The following LRP1B variants were observed in gnomAD, a reference collection of about 807,000 sequenced individuals.
LRP1B encodes the protein LDL receptor related protein 1B.
A neutral mutation model predicts 556.6 loss-of-function variants in LRP1B; 217 were observed. That is an observed-to-expected ratio of 0.39 (90% confidence interval 0.35 to 0.44). The LOEUF (loss-of-function observed/expected upper bound fraction) is 0.44, where lower values mean the gene tolerates loss of function less well. LRP1B is among the 20% of genes least tolerant of loss of function. The probability of loss-of-function intolerance (pLI) is 1.00; values close to 1 mark genes in which losing one functional copy is unlikely to be tolerated. For missense variants in LRP1B, 5,053 were observed against 5,620.8 expected (o/e 0.90, Z 3.23); for synonymous variants, 2,047 against 1,865.8 (o/e 1.10, Z -2.50).
intron 3 of LRP1B, among the ~76,000 whole-genome samples, chr2:141,283,049 G>C (rs1021097301): frequency 6.6e-6 from 1 of 152,090 alleles, no homozygotes; most frequent in Non-Finnish European, 1.5e-5. Flanking sequence ...CTAGCATGGT[G>C]CCTTGCTTCC....
intron 29 of LRP1B, among the ~76,000 whole-genome samples, chr2:140,841,708 A>T (rs575569876): frequency 1.3e-5 from 2 of 152,270 alleles, no homozygotes; most frequent in South Asian, 4.1e-4. Context: ...AGCCAATATA[A>T]ATATTTTGGT....
chr2:141,707,025 C>A (rs145653364), intron 2 of LRP1B, among the ~76,000 whole-genome samples: 71 of 152,028 alleles, frequency 4.7e-4, no homozygotes, highest in African/African-American at 1.6e-3. Context: ...TAATACAGGC[C>A]ACAAAAGAAA....
At chr2:140,607,317 GA>G (rs1682903722) in intron 41 of LRP1B, among the ~76,000 whole-genome samples, 1 of 152,046 alleles carries the variant, frequency 6.6e-6, no homozygotes, top group Non-Finnish European at 1.5e-5. Context: ...ATTGATGGTG[GA>G]AATGTAAAAT....
intron 2 of LRP1B, among the ~76,000 whole-genome samples, chr2:141,603,253 T>G (rs1333642521): frequency 6.6e-6 from 1 of 152,198 alleles, no homozygotes; most frequent in African/African-American, 2.4e-5. Flanking sequence ...CTCCTATAGG[T>G]GCCAATCATT....
intron 83 of LRP1B, among the ~76,000 whole-genome samples, chr2:140,310,102 T>G (rs1684233666): frequency 6.6e-6 from 1 of 151,906 alleles, no homozygotes; most frequent in South Asian, 2.1e-4. Context: ...TTCATCCATG[T>G]CTGACTGGGC....
intron 84 of LRP1B, among the ~76,000 whole-genome samples, chr2:140,286,834 A>G (rs1683171473): frequency 6.6e-6 from 1 of 151,872 alleles, no homozygotes; most frequent in Non-Finnish European, 1.5e-5. Flanking sequence ...TATTAAAATG[A>G]AAATTATAAA....
Position 140,990,196 on chromosome 2 carries a change from C to CAA in LRP1B, c.2645-541_2645-540dup, listed in dbSNP as rs5834795. Reference sequence around the variant, plus strand: ...GGACAACAAAAGCGAAACTCCATCTCAAAAAAAATAAATAAATAAAACCAA... The same window carrying CAA: ...GGACAACAAAAGCGAAACTCCATCTCAAAAAAAAAATAAATAAATAAAACCAA... On this transcript the variant is annotated intron_variant, in intron 16 of 90. Transcript: ENST00000389484. 3.5e-3 allele frequency among the ~76,000 whole-genome samples: 531 copies of CAA among 151,204 alleles called. 3 individuals are homozygous for CAA. The highest frequency in any genetic ancestry group is 0.012 in the African/African-American group (498 of 41,192).
In LRP1B at chr2:141,126,327, C is replaced by A. The variant is rs558780114; in HGVS notation, c.1013+62094G>T. On this transcript the variant is annotated intron_variant, in intron 7 of 90. Transcript: ENST00000389484. Reference sequence around the variant, plus strand: ...GGTATTACAGGCATGAGCCATCGCTCCTGCCCTTTAATAGCTATTTTCCAA... The same window carrying A: ...GGTATTACAGGCATGAGCCATCGCTACTGCCCTTTAATAGCTATTTTCCAA... 2.0e-5 allele frequency among the ~76,000 whole-genome samples: 3 copies of A among 152,280 alleles called. No individual in the cohort carries two copies. The South Asian group carries it at 6.2e-4, about 32-fold the overall frequency.
intron 2 of LRP1B, among the ~76,000 whole-genome samples, chr2:141,509,941 G>T (rs4008447): frequency 0.97 from 148,174 of 152,100 alleles, 72,288 homozygotes; most frequent in East Asian, 1. Flanking sequence ...GTATAACTTA[G>T]GATCAGTTTC....
At position 141,514,151 on chromosome 2, in the gene LRP1B, C is replaced by A. The variant is rs373932430; in HGVS notation, c.206-33618G>T. 1.9e-4 allele frequency among the ~76,000 whole-genome samples: 29 copies of A among 152,224 alleles called. No individual in the cohort carries two copies. In the South Asian group the frequency reaches 5.0e-3, roughly 26 times the overall value. ...CCTACTTGACTTGCTCCACTGACCCCCTCAACCCTCATGGACTACACTGAT... is the reference window on the plus strand; with the variant it reads ...CCTACTTGACTTGCTCCACTGACCCACTCAACCCTCATGGACTACACTGAT... On this transcript the variant is annotated intron_variant, in intron 2 of 90. Coordinates refer to ENST00000389484, the MANE Select transcript of LRP1B (RefSeq NM_018557.3).
At chr2:141,559,615 G>T (rs1686075152) in intron 2 of LRP1B, among the ~76,000 whole-genome samples, 1 of 151,538 alleles carries the variant, frequency 6.6e-6, no homozygotes, top group African/African-American at 2.4e-5. Flanking sequence ...GTATGCATTG[G>T]TGTGATAAAG....
chr2:141,249,731 A>C (rs1684194130), intron 4 of LRP1B, among the ~76,000 whole-genome samples: 2 of 152,224 alleles, frequency 1.3e-5, no homozygotes, highest in African/African-American at 4.8e-5. Flanking sequence ...AGAATGTTCA[A>C]AAGGGTTATA....
intron 1 of LRP1B, among the ~76,000 whole-genome samples, chr2:141,864,411 G>A (rs532477155): frequency 4.6e-5 from 7 of 152,122 alleles, no homozygotes; most frequent in East Asian, 1.9e-4. Context: ...TTCTATTGCC[G>A]TCTCATTTAA....
At chr2:141,826,779 A>T (rs1384105816) in intron 1 of LRP1B, among the ~76,000 whole-genome samples, 1 of 152,236 alleles carries the variant, frequency 6.6e-6, no homozygotes, top group African/African-American at 2.4e-5. Flanking sequence ...GAGATTTTTC[A>T]AAAGAATTTA....
chr2:140,345,755 T>C (rs975007028), intron 77 of LRP1B, among the ~76,000 whole-genome samples: 2 of 129,740 alleles, frequency 1.5e-5, no homozygotes, highest in East Asian at 4.1e-4. Context: ...TATACACATA[T>C]ATACATATAT....
chr2:141,091,928 G>A (rs1315855312), intron 7 of LRP1B, among the ~76,000 whole-genome samples: 1 of 152,100 alleles, frequency 6.6e-6, no homozygotes, highest in Non-Finnish European at 1.5e-5. Context: ...CACTATGACT[G>A]CTGCCACTCA....
At position 141,310,792 on chromosome 2, in the gene LRP1B, C is replaced by A. The variant is rs576158168; in HGVS notation, c.344-56151G>T. ...CAAAGATTCGTGAAATACATTGATG[C>A]CCATGATTGTGTAAAAGACACAGAC... is the stretch of plus-strand genomic sequence containing the variant. On this transcript the variant is annotated intron_variant, in intron 3 of 90. Coordinates refer to ENST00000389484, the MANE Select transcript of LRP1B (RefSeq NM_018557.3). Among the ~76,000 whole-genome samples the A allele has an allele frequency of 2.6e-5, 4 of 152,086 alleles. No homozygotes were observed. In the East Asian group the frequency reaches 7.7e-4, roughly 29 times the overall value.
At chr2:140,270,411 CAT>C (rs1682404527) in intron 85 of LRP1B, 65 bp from the exon 86 acceptor site, 3 of 1,023,900 alleles carry the variant, frequency 2.9e-6, no homozygotes, top group South Asian at 1.3e-5. Context: ...TGAAAGCTGA[CAT>C]AAACTCTCTG....
chr2:141,766,688 A>T (rs1866023), intron 2 of LRP1B, among the ~76,000 whole-genome samples: 8 of 152,126 alleles, frequency 5.3e-5, no homozygotes, highest in African/African-American at 1.9e-4. Context: ...TGCTTGGATG[A>T]TTACAAGAGG....
Sources: allele counts gnomAD v4.1 joint callset (sites outside exome capture counted in the v4.1 genomes callset), GRCh38; gene constraint gnomAD v4.1.1; transcripts MANE v1.5; gene names NCBI Gene and HGNC (gene_info 2026-07-23, HGNC 2026-07-21).